The following SPAG6 variants were observed in gnomAD, a reference collection of about 807,000 sequenced individuals.
SPAG6 encodes sperm associated antigen 6, also known as sperm-associated antigen 6.
SPAG6 carries 49 observed loss-of-function variants against 58.5 expected under a neutral mutation model. The observed-to-expected ratio is 0.84, with a 90% CI of 0.67 to 1.06. The LOEUF is 1.06. Ranked by LOEUF, SPAG6 falls within the 50% of genes least tolerant of loss-of-function variation. SPAG6 has a pLI of 0.00. For synonymous variants in SPAG6, 233 were observed against 225.6 expected (o/e 1.03, Z -0.29); for missense variants, 560 against 611.3 (o/e 0.92, Z 0.89).
intron 9 of SPAG6, among the ~76,000 whole-genome samples, chr10:22,408,829 A>G (rs1354266348): frequency 2.0e-5 from 3 of 152,180 alleles, no homozygotes; most frequent in African/African-American, 4.8e-5. Context: ...TGTGGGATAT[A>G]ATCTCCTGGT....
At chr10:22,416,566 G>A (rs1313987652) in intron 10 of SPAG6, 53 bp from the exon 11 acceptor site, 9 of 1,051,728 alleles carry the variant, frequency 8.6e-6, no homozygotes, top group Non-Finnish European at 1.3e-5. Flanking sequence ...AATCTTATGT[G>A]CCTGCTGTGT....
chr10:22,391,812 T>C lies in SPAG6; in HGVS notation c.1089T>C (p.Ile363=), dbSNP rs763909741. The C allele has an allele frequency of 6.2e-7, 1 of 1,613,608 alleles. No homozygotes were observed. Among genetic ancestry groups the C allele is most frequent in the Non-Finnish European group, 8.5e-7 (1 of 1,179,736 alleles). The stretch of plus-strand genomic sequence containing the variant: ...CAGCTGCTTGGGCCTTAGGACAGAT[T>C]GGAAGACACACTCCTGAACACGCAC... The part of the protein sequence containing the change: ...KAAAAWALGQ[I]GRHTPEHARA... The change falls in exon 8 of 11, where the codon ATT becomes ATC. Residue 363 remains isoleucine, a synonymous_variant. Coordinates refer to ENST00000376624, the MANE Select transcript of SPAG6 (RefSeq NM_012443.4).
At chr10:22,358,184 A>G (rs1282250134) in intron 2 of SPAG6, among the ~76,000 whole-genome samples, 1 of 152,148 alleles carries the variant, frequency 6.6e-6, no homozygotes, top group African/African-American at 2.4e-5. Flanking sequence ...TGGTTGAACT[A>G]GTTTACAGTC....
chr10:22,349,458 T>C lies in SPAG6; in HGVS notation c.121+3640T>C, dbSNP rs369984175. 5.9e-4 allele frequency among the ~76,000 whole-genome samples: 90 copies of C among 152,312 alleles called. 2 individuals are homozygous for C. Among genetic ancestry groups the C allele is most frequent in the African/African-American group, 7.2e-4 (30 of 41,578 alleles). ...TGTTACTTCTACCAATTGTAAAATT[T>C]CAGCAATTGGAGGTGTTTTGTTAGT... On this transcript the variant is annotated intron_variant, in intron 2 of 10. Transcript: ENST00000376624.
intron 9 of SPAG6, among the ~76,000 whole-genome samples, chr10:22,406,350 T>C (rs1834554559): frequency 1.3e-5 from 2 of 152,192 alleles, no homozygotes. Context: ...TTTGTTCTCG[T>C]TGGTTTCAAA....
chr10:22,404,832 T>G (rs574258562), intron 9 of SPAG6, among the ~76,000 whole-genome samples: 5 of 152,308 alleles, frequency 3.3e-5, no homozygotes, highest in Non-Finnish European at 7.3e-5. Flanking sequence ...TTTGTAGTTC[T>G]CCTTGAAGAG....
At chr10:22,380,320 T>C (rs529591796) in intron 4 of SPAG6, among the ~76,000 whole-genome samples, 2 of 152,202 alleles carry the variant, frequency 1.3e-5, no homozygotes, top group African/African-American at 4.8e-5. Context: ...TTTGTTTGTT[T>C]TGAGACAGGG....
In SPAG6 at chr10:22,413,687, T is replaced by TTATATATATATATATA. The variant is rs1564384057; in HGVS notation, c.1460+2511_1460+2512insTATATATATATATATA. 3.7e-3 allele frequency among the ~76,000 whole-genome samples: 484 copies of TTATATATATATATATA among 130,150 alleles called. 5 individuals are homozygous for TTATATATATATATATA. Among genetic ancestry groups the TTATATATATATATATA allele is most frequent in the African/African-American group, 0.021 (470 of 22,458 alleles). The allele number at this position is 130,150 out of a possible 152,430, so 85.4% of individuals were successfully genotyped here. A position where few individuals can be genotyped will look rare whatever the true frequency, so the allele number is the denominator to read the frequency against. On this transcript the variant is annotated intron_variant, in intron 10 of 10. Coordinates refer to ENST00000376624, the MANE Select transcript of SPAG6 (RefSeq NM_012443.4). The stretch of plus-strand genomic sequence containing the variant: ...TACCTGACTAATGTTTTCAAATTTC[T>TTATATATATATATATA]GATATATATATATATATATATTTCA...
chr10:22,349,333 T>C (rs1034999290), intron 2 of SPAG6, among the ~76,000 whole-genome samples: 5 of 152,200 alleles, frequency 3.3e-5, no homozygotes, highest in Non-Finnish European at 5.9e-5. Flanking sequence ...AAATTCTATA[T>C]GTTTGAACCA....
intron 2 of SPAG6, chr10:22,346,046 G>A (rs1836517957): frequency 3.9e-6 from 6 of 1,537,624 alleles, no homozygotes; most frequent in Non-Finnish European, 5.3e-6. Context: ...ATTGCACACA[G>A]GCAAGTGTCA....
chr10:22,397,614 GTC>G (rs1185086726), intron 8 of SPAG6, among the ~76,000 whole-genome samples: 2 of 152,114 alleles, frequency 1.3e-5, no homozygotes, highest in African/African-American at 4.8e-5. Flanking sequence ...ACTGCTGCTG[GTC>G]TCTCAATTGT....
chr10:22,355,647 A>G (rs890995865), intron 2 of SPAG6, among the ~76,000 whole-genome samples: 1 of 152,240 alleles, frequency 6.6e-6, no homozygotes, highest in Non-Finnish European at 1.5e-5. Flanking sequence ...TTTGTGTGTT[A>G]TAAGGGATAA....
At chr10:22,408,968 T>C (rs1348690970) in intron 9 of SPAG6, among the ~76,000 whole-genome samples, 1 of 152,198 alleles carries the variant, frequency 6.6e-6, no homozygotes, top group Non-Finnish European at 1.5e-5. Context: ...GCTTCCCGAG[T>C]GAGGCAATGC....
At chr10:22,391,628 G>T in intron 7 of SPAG6, 101 bp from the exon 8 acceptor site, 1 of 1,025,522 alleles carries the variant, frequency 9.8e-7, no homozygotes, top group Non-Finnish European at 1.4e-6. Context: ...AGAAAAAAAG[G>T]ATCAAGGCCG....
chr10:22,387,535 T>A (rs945304416), intron 5 of SPAG6, among the ~76,000 whole-genome samples: 1 of 152,136 alleles, frequency 6.6e-6, no homozygotes, highest in Non-Finnish European at 1.5e-5. Context: ...CAGTGTTGCA[T>A]AATTAAGAAG....
intron 10 of SPAG6, chr10:22,411,812 A>C (rs1834742382): frequency 6.6e-6 from 1 of 151,870 alleles, no homozygotes; most frequent in African/African-American, 2.4e-5. Flanking sequence ...ATAAAAGCAA[A>C]AAAAGAGAAT....
intron 4 of SPAG6, among the ~76,000 whole-genome samples, chr10:22,371,442 C>T (rs886214976): frequency 1.8e-4 from 27 of 152,090 alleles, no homozygotes; most frequent in Non-Finnish European, 2.6e-4. Flanking sequence ...TTAGTAGAGA[C>T]GGGGTTTCAC....
At chr10:22,395,587 A>C (rs1275585604) in intron 8 of SPAG6, among the ~76,000 whole-genome samples, 2 of 152,078 alleles carry the variant, frequency 1.3e-5, no homozygotes, top group African/African-American at 4.8e-5. Context: ...TTATCTTTTT[A>C]TTATTGAGTT....
intron 2 of SPAG6, among the ~76,000 whole-genome samples, chr10:22,362,816 A>G (rs1327395726): frequency 2.0e-5 from 3 of 152,060 alleles, no homozygotes; most frequent in Non-Finnish European, 2.9e-5. Context: ...GCCCAATTCA[A>G]AAATGGTCAC....
Sources: gnomAD v4.1 joint callset for allele counts (sites outside exome capture counted in the v4.1 genomes callset) on GRCh38, gnomAD v4.1.1 for gene constraint, MANE v1.5 for transcripts, NCBI Gene and HGNC (gene_info 2026-07-23, HGNC 2026-07-21) for gene names.